The following HMCN1 variants were observed in gnomAD, a reference collection of about 807,000 sequenced individuals.
The protein encoded by HMCN1 is hemicentin 1.
A neutral mutation model predicts 625.9 loss-of-function variants in HMCN1; 321 were observed. The observed-to-expected ratio is 0.51, with a 90% CI of 0.47 to 0.56. HMCN1 has a LOEUF of 0.56. HMCN1 is among the 20% of genes least tolerant of loss of function. The pLI is 0.00. For missense variants in HMCN1, 6,588 were observed against 6,887.3 expected (o/e 0.96, Z 1.54); for synonymous variants, 2,425 against 2,417.6 (o/e 1.00, Z -0.09).
chr1:185,907,148 C>T (rs1181186173), intron 4 of HMCN1, among the ~76,000 whole-genome samples: 3 of 151,882 alleles, frequency 2.0e-5, no homozygotes, highest in Middle Eastern at 3.4e-3. Context: ...CATGATAGAT[C>T]ATTAAGAACC....
At position 186,174,714 on chromosome 1, in the gene HMCN1, G is replaced by T. The variant is rs749930049; in HGVS notation, c.15943+72G>T. On this transcript the variant is annotated intron_variant, in intron 103 of 106. Coordinates refer to ENST00000271588, the MANE Select transcript of HMCN1 (RefSeq NM_031935.3). ...ACCTAGCCTTACCAACTCGCTTAGG[G>T]CCACTTTCTCTATCCTCAAATGGTC... The T allele has an allele frequency of 3.0e-4, 416 of 1,395,086 alleles. 1 individual carries two copies. Among genetic ancestry groups the T allele is most frequent in the Non-Finnish European group, 3.9e-4 (387 of 982,994 alleles). 86.4% of individuals were successfully genotyped at this position (1,395,086 alleles called of 1,614,324 possible).
chr1:186,046,909 A>G (rs1656611899), intron 41 of HMCN1, among the ~76,000 whole-genome samples: 1 of 152,170 alleles, frequency 6.6e-6, no homozygotes, highest in African/African-American at 2.4e-5. Flanking sequence ...AAATCAAAAG[A>G]TCAGGTAAGT....
chr1:185,765,137 T>A (rs78759571), intron 1 of HMCN1, among the ~76,000 whole-genome samples: 5,990 of 152,214 alleles, frequency 0.039, 353 homozygotes, highest in African/African-American at 0.13. Context: ...GAATTTAAAT[T>A]GGGAAAGATG....
intron 2 of HMCN1, among the ~76,000 whole-genome samples, chr1:185,849,720 T>C (rs1036843847): frequency 6.6e-6 from 1 of 152,218 alleles, no homozygotes; most frequent in African/African-American, 2.4e-5. Context: ...CATGTCTCCA[T>C]TTGTAAATTA....
chr1:185,785,943 A>T (rs1657538653), intron 1 of HMCN1, among the ~76,000 whole-genome samples: 1 of 152,184 alleles, frequency 6.6e-6, no homozygotes, highest in Non-Finnish European at 1.5e-5. Flanking sequence ...TAACTACTGG[A>T]TAGAGGTCTG....
rs777116837 is a variant in HMCN1, at chr1:185,734,868, T to G, written c.89T>G (p.Ile30Ser). 2 of 1,613,988 alleles carry G rather than the reference T, an allele frequency of 1.2e-6. No individual in the cohort carries two copies. Among genetic ancestry groups the G allele is most frequent in the Non-Finnish European group, 1.7e-6 (2 of 1,179,946 alleles). Residue 30 changes from isoleucine to serine, a missense_variant, in exon 1 of 107, where the codon ATC (isoleucine) becomes AGC (serine). This residue lies in a region of HMCN1 where 4,628 missense variants were observed against 4,853.1 expected (regional missense o/e 0.95). Coordinates refer to ENST00000271588, the MANE Select transcript of HMCN1 (RefSeq NM_031935.3). ...CAAGATGCGAGCCCCCAGTCAGAGA[T>G]CAGAGCTGAGGAAATTCCCGAGGGG... ...LAQDASPQSE[I>S]RAEEIPEGAS...
At chr1:185,826,010 G>A (rs1259851751) in intron 1 of HMCN1, among the ~76,000 whole-genome samples, 3 of 152,124 alleles carry the variant, frequency 2.0e-5, no homozygotes, top group African/African-American at 7.2e-5. Context: ...TTATTTGAGT[G>A]GGGTTCAGAG....
chr1:186,130,810 C>A (rs1454736797), intron 85 of HMCN1, 113 bp downstream of exon 85: 3 of 976,892 alleles, frequency 3.1e-6, no homozygotes, highest in Non-Finnish European at 3.2e-6. Flanking sequence ...ATCATAAAAT[C>A]TGAATCAAAT....
At chr1:185,996,299 T>G (rs1421523287) in intron 24 of HMCN1, among the ~76,000 whole-genome samples, 1 of 152,066 alleles carries the variant, frequency 6.6e-6, no homozygotes, top group Non-Finnish European at 1.5e-5. Flanking sequence ...GAGAGAACTT[T>G]CCAGGAGAAG....
chr1:186,184,742 A>C (rs1356742110), intron 105 of HMCN1, among the ~76,000 whole-genome samples: 1 of 152,230 alleles, frequency 6.6e-6, no homozygotes, highest in Non-Finnish European at 1.5e-5. Context: ...CACTAGGTTA[A>C]ATACATTCAT....
At chr1:186,076,396 T>C in intron 53 of HMCN1, 32 bp from the exon 54 acceptor site, 1 of 1,589,522 alleles carries the variant, frequency 6.3e-7, no homozygotes. Context: ...AGCATTTATA[T>C]GTGACCAACA....
intron 66 of HMCN1, 103 bp from the exon 67 acceptor site, chr1:186,094,173 C>A: frequency 1.1e-6 from 1 of 924,668 alleles, no homozygotes; most frequent in South Asian, 1.4e-5. Context: ...TAAAATTTCC[C>A]AACATAAATC....
intron 25 of HMCN1, among the ~76,000 whole-genome samples, chr1:185,997,887 C>G (rs1652919788): frequency 6.6e-6 from 1 of 151,434 alleles, no homozygotes; most frequent in Admixed American, 6.6e-5. Flanking sequence ...TTTATCTCAA[C>G]CAGGCAGAGG....
chr1:185,895,596 C>T (rs1665437811), intron 4 of HMCN1, among the ~76,000 whole-genome samples: 1 of 152,184 alleles, frequency 6.6e-6, no homozygotes, highest in African/African-American at 2.4e-5. Flanking sequence ...TCCCTTCTGT[C>T]TGTCACAATG....
At chr1:185,995,792 G>C (rs1279123489) in intron 24 of HMCN1, among the ~76,000 whole-genome samples, 1 of 152,090 alleles carries the variant, frequency 6.6e-6, no homozygotes, top group South Asian at 2.1e-4. Context: ...GAGATCCTCT[G>C]GACTGGAAAG....
At chr1:185,811,194 A>G (rs1041279040) in intron 1 of HMCN1, among the ~76,000 whole-genome samples, 1 of 152,144 alleles carries the variant, frequency 6.6e-6, no homozygotes, top group African/African-American at 2.4e-5. Context: ...AAGTCATTGT[A>G]TGCTCTCAAT....
Position 185,963,689 on chromosome 1 carries a change from TAAAGG to T in HMCN1, c.1971-74_1971-70del, listed in dbSNP as rs1650192272. ...AACTCTACAACGTTTGAAAATATTT[TAAAGG>T]AAAGCACTATATTATCTTGATATTA... is the stretch of plus-strand genomic sequence containing the variant. On this transcript the variant is annotated intron_variant, in intron 12 of 106. Transcript: ENST00000271588. 9.1e-6 allele frequency: 10 copies of T among 1,096,360 alleles called. No homozygotes were observed. The East Asian group carries it at 1.9e-4, about 21-fold the overall frequency. The allele number at this position is 1,096,360 out of a possible 1,614,324, so 67.9% of individuals were successfully genotyped here.
chr1:185,877,428 G>T, intron 4 of HMCN1, among the ~76,000 whole-genome samples: 1 of 143,708 alleles, frequency 7.0e-6, no homozygotes, highest in Non-Finnish European at 1.5e-5. Context: ...TTTTTGTTTA[G>T]GATTACTTTG....
At chr1:185,996,593 G>T (rs1405551133) in intron 24 of HMCN1, among the ~76,000 whole-genome samples, 1 of 152,096 alleles carries the variant, frequency 6.6e-6, no homozygotes, top group African/African-American at 2.4e-5. Flanking sequence ...GAATCATTCG[G>T]CTAGAGAAGA....
Sources: gnomAD v4.1 joint callset for allele counts (sites outside exome capture counted in the v4.1 genomes callset) on GRCh38, gnomAD v4.1.1 for gene constraint, gnomAD v4.1.1 regional missense constraint, MANE v1.5 for transcripts, NCBI Gene and HGNC (gene_info 2026-07-23, HGNC 2026-07-21) for gene names.